Variants in ILRUN observed in about 807,000 individuals in gnomAD.
The protein encoded by ILRUN is inflammation and lipid regulator with UBA-like and NBR1-like domains.
Under a neutral mutation model 33.8 loss-of-function variants are expected in ILRUN, and 3 were observed. That is an observed-to-expected ratio of 0.09 (90% confidence interval 0.04 to 0.23). ILRUN has a LOEUF of 0.23. ILRUN is among the 10% of genes least tolerant of loss of function. ILRUN has a pLI of 1.00. For synonymous variants in ILRUN, 124 were observed against 138.9 expected, an observed-to-expected ratio of 0.89 and a Z score of 0.75; for missense variants, 210 against 375.1, an observed-to-expected ratio of 0.56 and a Z score of 3.64.
intron 1 of ILRUN, among the ~76,000 whole-genome samples, chr6:34,687,885 A>G (rs1763559330): frequency 6.6e-6 from 1 of 152,110 alleles, no homozygotes; most frequent in Admixed American, 6.6e-5. Context: ...GATTCCTCAA[A>G]AACAGATTGA....
At chr6:34,682,289 G>A (rs1249784888) in intron 1 of ILRUN, among the ~76,000 whole-genome samples, 4 of 105,986 alleles carry the variant, frequency 3.8e-5, no homozygotes, top group African/African-American at 1.8e-4. Flanking sequence ...AGACAGTCTC[G>A]CTCTGTCGCC....
chr6:34,625,134 G>C lies in ILRUN; in HGVS notation c.512-18230C>G, dbSNP rs557430647. Among the ~76,000 whole-genome samples, 3 of 152,248 alleles carry C rather than the reference G, an allele frequency of 2.0e-5. No homozygotes were observed. The South Asian group carries it at 6.2e-4, about 32-fold the overall frequency. On this transcript the variant is annotated intron_variant, in intron 3 of 4. Transcript: ENST00000374023. Reference sequence around the variant, plus strand: ...CTGACAGAAGTCGGAGTTGAATATAGCAACAAAGCAGAACTTCCTTAATGT... The same window carrying C: ...CTGACAGAAGTCGGAGTTGAATATACCAACAAAGCAGAACTTCCTTAATGT...
chr6:34,615,481 A>T (rs933151994), intron 3 of ILRUN, among the ~76,000 whole-genome samples: 1 of 152,158 alleles, frequency 6.6e-6, no homozygotes, highest in Non-Finnish European at 1.5e-5. Flanking sequence ...CTGTAATCCC[A>T]GCTACTGGGG....
chr6:34,633,747 C>T (rs1001130657), intron 3 of ILRUN, among the ~76,000 whole-genome samples: 2 of 149,204 alleles, frequency 1.3e-5, no homozygotes, highest in Non-Finnish European at 3.0e-5. Flanking sequence ...GTCCCAGCTA[C>T]TTGGGAAGCT....
chr6:34,633,956 A>G (rs1041700321), intron 3 of ILRUN, among the ~76,000 whole-genome samples: 27 of 150,196 alleles, frequency 1.8e-4, no homozygotes, highest in African/African-American at 6.6e-4. Flanking sequence ...TCTGACCACA[A>G]TGGAATTAAA....
intron 3 of ILRUN, among the ~76,000 whole-genome samples, chr6:34,634,923 T>G (rs1192592275): frequency 6.6e-6 from 1 of 152,194 alleles, no homozygotes; most frequent in African/African-American, 2.4e-5. Flanking sequence ...AGAGCTGCAC[T>G]GTCCAAAAGA....
rs1554189810 is a variant in ILRUN at position 34,683,409 on chromosome 6, T to TATATAC, written c.158+13036_158+13037insGTATAT. 7.9e-4 allele frequency among the ~76,000 whole-genome samples: 79 copies of TATATAC among 99,658 alleles called. 1 individual carries two copies. The highest frequency in any genetic ancestry group is 5.2e-3 in the African/African-American group (79 of 15,306). 65.4% of individuals were successfully genotyped at this position (99,658 alleles called of 152,430 possible). A position where few individuals can be genotyped will look rare whatever the true frequency, so the allele number is the denominator to read the frequency against. The stretch of plus-strand genomic sequence containing the variant: ...TGTTATATATATGCACATATATACA[T>TATATAC]ATATATATACATATATATACATATA... On this transcript the variant is annotated intron_variant, in intron 1 of 4. Coordinates refer to ENST00000374023, the MANE Select transcript of ILRUN (RefSeq NM_024294.4).
chr6:34,621,859 C>CT (rs903382719), intron 3 of ILRUN, among the ~76,000 whole-genome samples: 2 of 113,368 alleles, frequency 1.8e-5, no homozygotes, highest in Non-Finnish European at 1.7e-5. Context: ...AAGACTCCAG[C>CT]TCAAAAAAAA....
chr6:34,605,328 A>C (rs959258184), intron 4 of ILRUN, among the ~76,000 whole-genome samples: 3 of 145,024 alleles, frequency 2.1e-5, no homozygotes, highest in Admixed American at 6.9e-5. Context: ...CAAAAAAAAA[A>C]AAAAAAAAAA....
intron 1 of ILRUN, among the ~76,000 whole-genome samples, chr6:34,681,856 T>G (rs1257924911): frequency 7.4e-6 from 1 of 134,230 alleles, no homozygotes; most frequent in African/African-American, 2.8e-5. Context: ...TTTTTTTTTT[T>G]TTTTTTTTTT....
chr6:34,683,164 TTA>T (rs1029616927), intron 1 of ILRUN, among the ~76,000 whole-genome samples: 5 of 148,818 alleles, frequency 3.4e-5, no homozygotes, highest in Non-Finnish European at 7.4e-5. Context: ...ACACGTGTGT[TTA>T]TGTGTATTTG....
chr6:34,623,520 C>T (rs530600072), intron 3 of ILRUN, among the ~76,000 whole-genome samples: 2 of 151,834 alleles, frequency 1.3e-5, no homozygotes, highest in Admixed American at 6.6e-5. Flanking sequence ...CTATAGCCTA[C>T]GAAAAAAAGC....
At chr6:34,656,821 T>A (rs1199676824) in intron 1 of ILRUN, among the ~76,000 whole-genome samples, 1 of 152,232 alleles carries the variant, frequency 6.6e-6, no homozygotes. Context: ...TATTAGTCAG[T>A]AATGACTGAA....
intron 4 of ILRUN, among the ~76,000 whole-genome samples, chr6:34,594,827 G>A (rs1020273134): frequency 3.9e-5 from 6 of 152,172 alleles, no homozygotes; most frequent in African/African-American, 4.8e-5. Flanking sequence ...TTTCCACAAT[G>A]CAATAATAAC....
At chr6:34,633,678 C>T (rs1015264076) in intron 3 of ILRUN, among the ~76,000 whole-genome samples, 1 of 151,204 alleles carries the variant, frequency 6.6e-6, no homozygotes, top group African/African-American at 2.4e-5. Flanking sequence ...AAATAAGACC[C>T]TGTCTCTACA....
intron 3 of ILRUN, among the ~76,000 whole-genome samples, chr6:34,626,659 T>C (rs1230319113): frequency 3.3e-5 from 5 of 151,974 alleles, no homozygotes; most frequent in East Asian, 3.9e-4. Flanking sequence ...ATTCACTCTA[T>C]GTCGTACATT....
chr6:34,617,489 T>C (rs1286581984), intron 3 of ILRUN, among the ~76,000 whole-genome samples: 1 of 152,180 alleles, frequency 6.6e-6, no homozygotes, highest in Non-Finnish European at 1.5e-5. Flanking sequence ...CATAATTTAC[T>C]CAGCACAGTA....
chr6:34,612,778 C>T (rs912277473), intron 3 of ILRUN, among the ~76,000 whole-genome samples: 4 of 152,118 alleles, frequency 2.6e-5, no homozygotes, highest in South Asian at 2.1e-4. Context: ...TGCAGTGGCT[C>T]ACGCCTGCAA....
At chr6:34,683,424 A>ATATATACATATC in intron 1 of ILRUN, among the ~76,000 whole-genome samples, 1 of 64,638 alleles carries the variant, frequency 1.5e-5, no homozygotes, top group East Asian at 3.3e-4. Context: ...ATATACATAT[A>ATATATACATATC]TATACATATA....
Sources: gnomAD v4.1 joint callset for allele counts (sites outside exome capture counted in the v4.1 genomes callset) on GRCh38, gnomAD v4.1.1 for gene constraint, MANE v1.5 for transcripts, NCBI Gene and HGNC (gene_info 2026-07-23, HGNC 2026-07-21) for gene names.